FHIT: variants seen among roughly 807,000 people sequenced by gnomAD.
The protein encoded by FHIT is fragile histidine triad diadenosine triphosphatase.
Under a neutral mutation model 17.9 loss-of-function variants are expected in FHIT, and 19 were observed. The observed-to-expected ratio is 1.06, with a 90% CI of 0.74 to 1.56. FHIT has a LOEUF of 1.56. FHIT is among the 40% of genes most tolerant of loss of function. The probability of loss-of-function intolerance (pLI) is 0.00; values close to 1 mark genes in which losing one functional copy is unlikely to be tolerated. For missense variants in FHIT, 248 were observed against 189.2 expected (o/e 1.31, Z -1.82); for synonymous variants, 81 against 69.7 (o/e 1.16, Z -0.81).
At chr3:60,226,681 T>C (rs1158036412) in intron 5 of FHIT, among the ~76,000 whole-genome samples, 1 of 152,018 alleles carries the variant, frequency 6.6e-6, no homozygotes, top group Non-Finnish European at 1.5e-5. Context: ...AGACTAGATA[T>C]AGAGGAAGGA....
intron 5 of FHIT, among the ~76,000 whole-genome samples, chr3:60,103,409 C>G (rs567464235): frequency 9.0e-4 from 137 of 152,132 alleles, no homozygotes; most frequent in African/African-American, 3.1e-3. Flanking sequence ...AAGAAGTGAC[C>G]AAAGCAACAT....
intron 7 of FHIT, among the ~76,000 whole-genome samples, chr3:60,000,047 T>C (rs1699668104): frequency 1.3e-5 from 2 of 152,196 alleles, no homozygotes; most frequent in Admixed American, 1.3e-4. Flanking sequence ...CTGAGGCATG[T>C]TGCCCTAGAA....
chr3:60,067,349 A>T (rs1702561411), intron 5 of FHIT, among the ~76,000 whole-genome samples: 1 of 147,260 alleles, frequency 6.8e-6, no homozygotes, highest in Admixed American at 6.7e-5. Context: ...TGAATGAATG[A>T]ATGAATAAGC....
intron 5 of FHIT, among the ~76,000 whole-genome samples, chr3:60,324,517 G>A (rs968392074): frequency 1.4e-5 from 2 of 146,928 alleles, no homozygotes; most frequent in African/African-American, 2.5e-5. Context: ...CCCAGGAGGC[G>A]GAGCTTGCAG....
At chr3:60,973,593 TAA>T (rs1047322848) in intron 3 of FHIT, among the ~76,000 whole-genome samples, 3 of 152,168 alleles carry the variant, frequency 2.0e-5, no homozygotes, top group African/African-American at 4.8e-5. Flanking sequence ...CTTTAGAAAC[TAA>T]AATCTTAAGT....
chr3:59,890,411 C>G (rs11924368), intron 8 of FHIT, among the ~76,000 whole-genome samples: 4 of 151,996 alleles, frequency 2.6e-5, no homozygotes, highest in African/African-American at 9.7e-5. Context: ...AAAGGGCTGC[C>G]CGTGAAACTT....
intron 4 of FHIT, among the ~76,000 whole-genome samples, chr3:60,676,685 C>T (rs2040627658): frequency 6.6e-6 from 1 of 152,164 alleles, no homozygotes; most frequent in Non-Finnish European, 1.5e-5. Context: ...AAGAGGCCTA[C>T]AGCCTCTCCT....
At chr3:60,086,148 G>C (rs1047719352) in intron 5 of FHIT, among the ~76,000 whole-genome samples, 2 of 152,114 alleles carry the variant, frequency 1.3e-5, no homozygotes, top group Non-Finnish European at 2.9e-5. Flanking sequence ...AAGAGAGAGA[G>C]TAAAAGGGTG....
intron 4 of FHIT, among the ~76,000 whole-genome samples, chr3:60,689,097 G>A (rs2040927858): frequency 6.6e-6 from 1 of 152,164 alleles, no homozygotes. Context: ...AGTCTCACAA[G>A]ATCTGATGGT....
intron 5 of FHIT, among the ~76,000 whole-genome samples, chr3:60,204,186 T>C (rs1483513290): frequency 6.6e-6 from 1 of 152,224 alleles, no homozygotes; most frequent in Non-Finnish European, 1.5e-5. Flanking sequence ...ATAGCTCATG[T>C]ACTCCATTAA....
intron 5 of FHIT, among the ~76,000 whole-genome samples, chr3:60,063,258 A>G (rs545447469): frequency 6.6e-6 from 1 of 152,334 alleles, no homozygotes; most frequent in South Asian, 2.1e-4. Flanking sequence ...TCTGGTCTAC[A>G]AGATCAACTT....
chr3:59,965,726 C>A (rs1233028860), intron 7 of FHIT, among the ~76,000 whole-genome samples: 1 of 152,130 alleles, frequency 6.6e-6, no homozygotes. Context: ...CAATTTCTAG[C>A]CTACATGATT....
At chr3:61,152,087 T>C (rs1479251242) in intron 2 of FHIT, among the ~76,000 whole-genome samples, 1 of 152,220 alleles carries the variant, frequency 6.6e-6, no homozygotes, top group Admixed American at 6.5e-5. Context: ...GTAGGTAATT[T>C]CTATAAAGTT....
intron 2 of FHIT, among the ~76,000 whole-genome samples, chr3:61,134,292 A>G (rs1324938710): frequency 6.6e-6 from 1 of 152,192 alleles, no homozygotes; most frequent in East Asian, 1.9e-4. Context: ...CCCAAAGAAA[A>G]GCTGAAAACA....
At chr3:59,765,443 T>A (rs962008475) in intron 8 of FHIT, among the ~76,000 whole-genome samples, 2 of 152,208 alleles carry the variant, frequency 1.3e-5, no homozygotes, top group African/African-American at 2.4e-5. Context: ...GGAAAGAGGA[T>A]CTTACTGCAG....
intron 2 of FHIT, among the ~76,000 whole-genome samples, chr3:61,128,039 T>A (rs985571054): frequency 3.3e-5 from 5 of 152,228 alleles, no homozygotes; most frequent in Admixed American, 1.3e-4. Flanking sequence ...TACACTAGAT[T>A]TCAAATTCTC....
chr3:60,816,924 T>C (rs1449356215), intron 4 of FHIT, among the ~76,000 whole-genome samples: 1 of 152,050 alleles, frequency 6.6e-6, no homozygotes, highest in African/African-American at 2.4e-5. Context: ...GCTGCAAGTT[T>C]ATTATATGTT....
intron 4 of FHIT, among the ~76,000 whole-genome samples, chr3:60,577,734 G>A (rs12054041): frequency 0.21 from 32,072 of 151,952 alleles, 3,774 homozygotes; most frequent in East Asian, 0.33. Flanking sequence ...ACAACCGTTC[G>A]GCTGCCTCAG....
chr3:60,230,563 T>C (rs1422807194), intron 5 of FHIT, among the ~76,000 whole-genome samples: 1 of 152,228 alleles, frequency 6.6e-6, no homozygotes, highest in Non-Finnish European at 1.5e-5. Context: ...GCTCACTGCA[T>C]CTCAGTTTTG....
Sources: allele counts gnomAD v4.1 joint callset (sites outside exome capture counted in the v4.1 genomes callset), GRCh38; gene constraint gnomAD v4.1.1; transcripts MANE v1.5; gene names NCBI Gene and HGNC (gene_info 2026-07-23, HGNC 2026-07-21).